GPC3: variants seen among roughly 807,000 people sequenced by gnomAD.
GPC3 encodes glypican 3, also known as glypican-3.
A neutral mutation model predicts 34.4 loss-of-function variants in GPC3; 3 were observed. That is an observed-to-expected ratio of 0.09 (90% CI 0.04 to 0.23). The LOEUF (loss-of-function observed/expected upper bound fraction) is 0.23, where lower values mean the gene tolerates loss of function less well. Among genes scored for constraint, GPC3 ranks in the 10% least tolerant of loss-of-function variants. The probability of loss-of-function intolerance (pLI) is 1.00; values close to 1 mark genes in which losing one functional copy is unlikely to be tolerated. For missense variants in GPC3, 351 were observed against 445.6 expected (o/e 0.79, Z 1.91); for synonymous variants, 177 against 174.0 (o/e 1.02, Z -0.13).
chrX:133,685,921 G>A (rs1446348492), intron 5 of GPC3, among the ~76,000 whole-genome samples: 1 of 110,734 alleles, frequency 9.0e-6, no homozygotes, highest in Admixed American at 9.7e-5. Flanking sequence ...AAGTGGCTAT[G>A]TAGAAACTGT....
chrX:133,733,250 C>A (rs1242176568), intron 3 of GPC3, among the ~76,000 whole-genome samples: 3 of 110,363 alleles, frequency 2.7e-5, no homozygotes, highest in Admixed American at 9.7e-5. Flanking sequence ...TATACAAAGG[C>A]ATGCAAAGTG....
intron 3 of GPC3, among the ~76,000 whole-genome samples, chrX:133,709,709 T>C (rs2071250753): frequency 8.9e-6 from 1 of 112,149 alleles, no homozygotes; most frequent in Non-Finnish European, 1.9e-5. Flanking sequence ...ATTGCACTGC[T>C]TCCACAAACT....
At chrX:133,672,617 A>G (rs2070839203) in intron 5 of GPC3, among the ~76,000 whole-genome samples, 1 of 112,015 alleles carries the variant, frequency 8.9e-6, no homozygotes, top group South Asian at 3.8e-4. Context: ...ACTCAAGCTA[A>G]ACCAAAAGGA....
chrX:133,723,548 G>A (rs1245888848), intron 3 of GPC3, among the ~76,000 whole-genome samples: 1 of 112,035 alleles, frequency 8.9e-6, no homozygotes, highest in African/African-American at 3.2e-5. Flanking sequence ...CAGATAGGAG[G>A]TGTTTGGGTC....
intron 2 of GPC3, among the ~76,000 whole-genome samples, chrX:133,859,275 C>G (rs925349245): frequency 9.0e-6 from 1 of 110,657 alleles, no homozygotes; most frequent in Admixed American, 9.6e-5. Flanking sequence ...GGCTCCATTT[C>G]TAGGAACTTT....
chrX:133,690,007 T>TA lies in GPC3; in HGVS notation c.1292+2361dup, dbSNP rs771374494. Among the ~76,000 whole-genome samples the TA allele has an allele frequency of 4.9e-4, 54 of 110,676 alleles. 1 individual carries two copies. Among genetic ancestry groups the TA allele is most frequent in the Admixed American group, 1.3e-3 (13 of 10,400 alleles). ...ATACCAACTGTTTTTTTCTGAAAAT[T>TA]AAAAAAAAATGTTCATGATTCTTCT... On this transcript the variant is annotated intron_variant, in intron 5 of 7. Transcript: ENST00000370818.
chrX:133,954,852 ATTC>A (rs1683901014), intron 1 of GPC3, among the ~76,000 whole-genome samples: 2 of 98,298 alleles, frequency 2.0e-5, no homozygotes. Flanking sequence ...GGTTCAAGGG[ATTC>A]TCCTGCCTCA....
At chrX:133,929,673 CA>C (rs1425786647) in intron 2 of GPC3, among the ~76,000 whole-genome samples, 1 of 112,116 alleles carries the variant, frequency 8.9e-6, no homozygotes, top group Non-Finnish European at 1.9e-5. Flanking sequence ...CTGGGAGAAG[CA>C]ACAATCTTTT....
At chrX:133,793,715 A>G (rs2075561150) in intron 2 of GPC3, among the ~76,000 whole-genome samples, 1 of 111,556 alleles carries the variant, frequency 9.0e-6, no homozygotes, top group Admixed American at 9.5e-5. Context: ...ACTGCCTTGG[A>G]CCTCTGAGAG....
At chrX:133,584,619 C>G (rs1315057028) in intron 7 of GPC3, among the ~76,000 whole-genome samples, 2 of 111,686 alleles carry the variant, frequency 1.8e-5, no homozygotes, top group African/African-American at 6.5e-5. Flanking sequence ...GCTGGGATGA[C>G]AGGTGCGCAC....
Position 133,553,003 on chromosome X carries a change from G to C in GPC3, c.1574-16710C>G, listed in dbSNP as rs554718245. Among the ~76,000 whole-genome samples the C allele has an allele frequency of 6.9e-4, 77 of 112,038 alleles. No individual in the cohort carries two copies. The South Asian group carries it at 0.029, about 42-fold the overall frequency. On this transcript the variant is annotated intron_variant, in intron 7 of 7. Coordinates refer to ENST00000370818, the MANE Select transcript of GPC3 (RefSeq NM_004484.4). ...AAAAAGGAAAATTCTACTACAAAGA[G>C]TGGCAGCCAGATCACTAAGCAGGAC...
intron 4 of GPC3, among the ~76,000 whole-genome samples, chrX:133,694,862 G>A (rs1453395966): frequency 1.8e-5 from 2 of 110,689 alleles, no homozygotes; most frequent in African/African-American, 3.3e-5. Context: ...AGATCAAGAT[G>A]AGGTTCGATC....
At chrX:133,967,619 GTTTGT>G (rs960791604) in intron 1 of GPC3, among the ~76,000 whole-genome samples, 25 of 111,867 alleles carry the variant, frequency 2.2e-4, no homozygotes, top group African/African-American at 4.9e-4. Flanking sequence ...TTTTTTGTTT[GTTTGT>G]TTTGTTTTGT....
At chrX:133,743,737 C>G (rs911755809) in intron 3 of GPC3, among the ~76,000 whole-genome samples, 5 of 112,248 alleles carry the variant, frequency 4.5e-5, no homozygotes, top group Non-Finnish European at 9.4e-5. Flanking sequence ...CACTCGACAT[C>G]TTTTTAAAAA....
At chrX:133,661,632 C>A (rs1885680264) in intron 6 of GPC3, 98 bp downstream of exon 6, 1 of 14,904 alleles carries the variant, frequency 6.7e-5, no homozygotes, top group African/African-American at 4.4e-4. Context: ...CTCTCTCTCT[C>A]TCCCCCCCCC....
chrX:133,557,129 T>C (rs944217112), intron 7 of GPC3, among the ~76,000 whole-genome samples: 1 of 105,674 alleles, frequency 9.5e-6, no homozygotes, highest in South Asian at 4.5e-4. Flanking sequence ...CCGTCTCTAC[T>C]AAAAATACAA....
chrX:133,552,998 A>G (rs902554780), intron 7 of GPC3, among the ~76,000 whole-genome samples: 1 of 112,135 alleles, frequency 8.9e-6, no homozygotes, highest in South Asian at 3.7e-4. Flanking sequence ...ATTCTACTAC[A>G]AAGAGTGGCA....
intron 2 of GPC3, among the ~76,000 whole-genome samples, chrX:133,839,226 C>T (rs975310272): frequency 2.7e-5 from 3 of 111,889 alleles, no homozygotes; most frequent in Non-Finnish European, 3.8e-5. Context: ...TTCAGAACCT[C>T]TTAGTGTTTT....
intron 3 of GPC3, among the ~76,000 whole-genome samples, chrX:133,711,436 A>G (rs1412780402): frequency 9.0e-6 from 1 of 111,366 alleles, no homozygotes; most frequent in Non-Finnish European, 1.9e-5. Context: ...CCAGACTTAG[A>G]CCTACTGAAT....
Sources: gnomAD v4.1 joint callset for allele counts (sites outside exome capture counted in the v4.1 genomes callset) on GRCh38, gnomAD v4.1.1 for gene constraint, MANE v1.5 for transcripts, NCBI Gene and HGNC (gene_info 2026-07-23, HGNC 2026-07-21) for gene names.